The following STAMBPL1 variants were observed in gnomAD, a reference collection of about 807,000 sequenced individuals.
STAMBPL1 encodes the protein STAM binding protein like 1, also known as AMSH-like protease.
STAMBPL1 carries 44 observed loss-of-function variants against 52.9 expected under a neutral mutation model. That is an observed-to-expected ratio of 0.83 (90% confidence interval 0.65 to 1.07). The LOEUF (loss-of-function observed/expected upper bound fraction) is 1.07. Among genes scored for constraint, STAMBPL1 ranks in the 50% least tolerant of loss-of-function variants. The probability of loss-of-function intolerance (pLI) is 0.00; values close to 1 mark genes in which losing one functional copy is unlikely to be tolerated. For synonymous variants in STAMBPL1, 164 were observed against 177.3 expected, an observed-to-expected ratio of 0.92 and a Z score of 0.60; for missense variants, 511 against 520.8, an observed-to-expected ratio of 0.98 and a Z score of 0.18.
chr10:88,901,182 G>A (rs1844934225), intron 1 of STAMBPL1: 2 of 152,182 alleles, frequency 1.3e-5, no homozygotes, highest in Non-Finnish European at 1.5e-5. Flanking sequence ...ACACACTCAA[G>A]TGGAGAGGAT....
At chr10:88,916,622 C>G in intron 7 of STAMBPL1, 58 bp from the exon 8 acceptor site, 1 of 1,493,370 alleles carries the variant, frequency 6.7e-7, no homozygotes, top group Non-Finnish European at 9.0e-7. Context: ...ATTTCCTGTT[C>G]AGTTATTTTT....
At chr10:88,921,439 G>C (rs766070998) in intron 9 of STAMBPL1, 44 bp downstream of exon 9, 1 of 1,505,800 alleles carries the variant, frequency 6.6e-7, no homozygotes, top group Non-Finnish European at 9.2e-7. Context: ...GCTTTGTCCA[G>C]GGCTGCTGGG....
intron 1 of STAMBPL1, chr10:88,882,373 G>C (rs753183618): frequency 3.3e-5 from 5 of 152,206 alleles, no homozygotes; most frequent in Non-Finnish European, 5.9e-5. Context: ...GATAAAAATA[G>C]TTATAAAGAA....
chr10:88,914,337 A>C (rs1488761033), intron 6 of STAMBPL1, among the ~76,000 whole-genome samples, 197 bp from the exon 7 acceptor site: 6 of 152,194 alleles, frequency 3.9e-5, no homozygotes. Context: ...CTTATAAAAT[A>C]ATTTATATAC....
intron 9 of STAMBPL1, among the ~76,000 whole-genome samples, chr10:88,922,052 G>A (rs1845525322): frequency 6.6e-6 from 1 of 152,120 alleles, no homozygotes; most frequent in Non-Finnish European, 1.5e-5. Flanking sequence ...CCTCTCATGA[G>A]ACTCTCTAGT....
chr10:88,918,945 G>T (rs1845438585), intron 8 of STAMBPL1, among the ~76,000 whole-genome samples: 1 of 152,052 alleles, frequency 6.6e-6, no homozygotes, highest in South Asian at 2.1e-4. Flanking sequence ...AGGACTTTTT[G>T]TTAAACTCAT....
At chr10:88,894,706 A>G (rs1844769801) in intron 1 of STAMBPL1, among the ~76,000 whole-genome samples, 1 of 152,236 alleles carries the variant, frequency 6.6e-6, no homozygotes, top group African/African-American at 2.4e-5. Flanking sequence ...TAAATGAATG[A>G]CAGATTAAAC....
chr10:88,906,897 G>A (rs542943307), intron 3 of STAMBPL1, among the ~76,000 whole-genome samples: 1 of 152,168 alleles, frequency 6.6e-6, no homozygotes, highest in Non-Finnish European at 1.5e-5. Context: ...TACTGTGCCA[G>A]ACCCAAGCTG....
rs1438718691 is a variant in STAMBPL1, at chr10:88,901,657, T to TGA, written c.-51_-50dup. ...TTCTGCTTCTTGTTTTTGAAACAGA[T>TGA]GAAGTGATTGAGAAGAAACAGTGAA... On this transcript the variant is annotated splice_region_variant and 5_prime_UTR_variant, in exon 2 of 11. The change abolishes the stop of an existing upstream ORF in the 5' untranslated region. Coordinates refer to ENST00000371926, the MANE Select transcript of STAMBPL1 (RefSeq NM_020799.4). 2 of 1,583,120 alleles carry TGA rather than the reference T, an allele frequency of 1.3e-6. No homozygotes were observed. The highest frequency in any genetic ancestry group is 1.8e-5 in the Admixed American group (1 of 54,236).
intron 1 of STAMBPL1, among the ~76,000 whole-genome samples, chr10:88,889,942 G>T (rs1312380813): frequency 6.6e-6 from 1 of 152,154 alleles, no homozygotes; most frequent in Non-Finnish European, 1.5e-5. Flanking sequence ...CTTTTTAAGA[G>T]CATTGGCTGA....
At chr10:88,881,124 G>A (rs1844395139) in intron 1 of STAMBPL1, among the ~76,000 whole-genome samples, 6 of 152,158 alleles carry the variant, frequency 3.9e-5, no homozygotes, top group Admixed American at 3.9e-4. Context: ...TGCCTTTCCA[G>A]ATGATGTTAC....
Position 88,916,665 on chromosome 10 carries a change from G to C in STAMBPL1, c.904-15G>C. On this transcript the variant is annotated splice_polypyrimidine_tract_variant and intron_variant, in intron 7 of 10. Coordinates refer to ENST00000371926, the MANE Select transcript of STAMBPL1 (RefSeq NM_020799.4). The stretch of plus-strand genomic sequence containing the variant: ...CTGTGAGATGCATGTCATTCTTTCT[G>C]CTATTGTTTTTTAGACACATAATGA... 1 of 1,560,904 alleles carries C rather than the reference G, an allele frequency of 6.4e-7. No homozygotes were observed. Among genetic ancestry groups the C allele is most frequent in the Non-Finnish European group, 8.6e-7 (1 of 1,156,626 alleles).
intron 7 of STAMBPL1, among the ~76,000 whole-genome samples, chr10:88,915,089 T>G (rs1418805219): frequency 1.3e-5 from 2 of 152,174 alleles, no homozygotes; most frequent in African/African-American, 4.8e-5. Context: ...AAACTAGGAT[T>G]TTGTAGTTTC....
intron 1 of STAMBPL1, among the ~76,000 whole-genome samples, chr10:88,897,866 C>G (rs1418142008): frequency 6.6e-6 from 1 of 152,158 alleles, no homozygotes; most frequent in Admixed American, 6.5e-5. Flanking sequence ...CTGAATACTT[C>G]CCATTAGTTA....
At chr10:88,889,988 T>G (rs1844637530) in intron 1 of STAMBPL1, among the ~76,000 whole-genome samples, 1 of 152,230 alleles carries the variant, frequency 6.6e-6, no homozygotes, top group Admixed American at 6.5e-5. Context: ...TGGGTTTATT[T>G]GATGTTTCTT....
chr10:88,890,757 T>C (rs1375115520), intron 1 of STAMBPL1, among the ~76,000 whole-genome samples: 2 of 152,246 alleles, frequency 1.3e-5, no homozygotes, highest in East Asian at 3.8e-4. Flanking sequence ...TATCTCATTA[T>C]AGCCACTTAG....
intron 10 of STAMBPL1, 82 bp downstream of exon 10, chr10:88,922,518 T>A: frequency 7.7e-7 from 1 of 1,302,800 alleles, no homozygotes; most frequent in Non-Finnish European, 1.1e-6. Context: ...ATAGTAGCAG[T>A]CTAATATAAG....
At chr10:88,886,224 T>C (rs575463807) in intron 1 of STAMBPL1, among the ~76,000 whole-genome samples, 1 of 152,332 alleles carries the variant, frequency 6.6e-6, no homozygotes, top group Admixed American at 6.5e-5. Context: ...TTGAAGATGA[T>C]AGATTTACTT....
At chr10:88,891,983 T>G (rs780617282) in intron 1 of STAMBPL1, among the ~76,000 whole-genome samples, 4 of 151,872 alleles carry the variant, frequency 2.6e-5, no homozygotes, top group Non-Finnish European at 5.9e-5. Flanking sequence ...GGAGGACATT[T>G]GAAGGTACAA....
Sources: allele counts gnomAD v4.1 joint callset (sites outside exome capture counted in the v4.1 genomes callset), GRCh38; gene constraint gnomAD v4.1.1; transcripts MANE v1.5; gene names NCBI Gene and HGNC (gene_info 2026-07-23, HGNC 2026-07-21).